HLA-DOA: variants seen among roughly 807,000 people sequenced by gnomAD.
The protein encoded by HLA-DOA is major histocompatibility complex, class II, DO alpha, also known as HLA class II histocompatibility antigen, DO alpha chain.
HLA-DOA carries 27 observed loss-of-function variants against 22.9 expected under a neutral mutation model. The observed-to-expected ratio is 1.18, with a 90% confidence interval of 0.87 to 1.62. HLA-DOA has a LOEUF of 1.62. Among genes scored for constraint, HLA-DOA ranks in the 40% most tolerant of loss-of-function variants. The probability of loss-of-function intolerance (pLI) is 0.00; values close to 1 mark genes in which losing one functional copy is unlikely to be tolerated. For missense variants in HLA-DOA, 324 were observed against 332.4 expected (o/e 0.97, Z 0.20); for synonymous variants, 137 against 138.6 (o/e 0.99, Z 0.08).
intron 1 of HLA-DOA, among the ~76,000 whole-genome samples, chr6:33,008,829 C>T (rs1436945887): frequency 6.6e-5 from 10 of 152,062 alleles, no homozygotes; most frequent in African/African-American, 1.9e-4. Flanking sequence ...TGTCCCAATT[C>T]CTCCATCTCA....
rs748401096 is a variant in HLA-DOA at position 33,008,235 on chromosome 6, C to A, written c.109G>T (p.Ala37Ser). ...GAGGCGCCGTAAGACTGGTAGAAGG[C>A]GGGTCCGTAGGAGCCCATGTGGTCA... is the stretch of plus-strand genomic sequence containing the variant. ...KADHMGSYGPAFYQSYGASGQ... is the reference protein window; with the variant it reads ...KADHMGSYGPSFYQSYGASGQ... The change falls in exon 2 of 5, where the codon GCC (alanine) becomes TCC (serine). Residue 37 changes from alanine (A) to serine (S), a missense_variant. Coordinates refer to ENST00000229829, the MANE Select transcript of HLA-DOA (RefSeq NM_002119.4). The A allele has an allele frequency of 1.2e-6, 2 of 1,612,918 alleles. No homozygotes were observed. Among genetic ancestry groups the A allele is most frequent in the Non-Finnish European group, 1.7e-6 (2 of 1,180,014 alleles).
chr6:33,008,006 C>A lies in HLA-DOA; in HGVS notation c.331+7G>T. 6.2e-7 allele frequency: 1 copy of A among 1,608,806 alleles called. No individual in the cohort carries two copies. The highest frequency in any genetic ancestry group is 8.5e-7 in the Non-Finnish European group (1 of 1,177,250). On this transcript the variant is annotated splice_region_variant and intron_variant, in intron 2 of 4. Transcript: ENST00000229829. ...CCTGACTGGGTGGGCAGAGGGAGGG[C>A]CGGTACCGTTGATGGCTCTGCTGCG...
Position 33,007,148 on chromosome 6 carries a change from G to T in HLA-DOA, c.681C>A (p.Ile227=). The change falls in exon 4 of 5, where the codon ATC becomes ATA. Residue 227 remains isoleucine, a synonymous_variant. Coordinates refer to ENST00000229829, the MANE Select transcript of HLA-DOA (RefSeq NM_002119.4). ...TGCCCACGAGGAAGCCCACCAGGCC[G>T]ATGGCCAGGCCCAGGGCACAGACCA... The part of the protein sequence containing the change: ...ETLVCALGLA[I]GLVGFLVGTV... The T allele has an allele frequency of 6.2e-7, 1 of 1,613,918 alleles. No homozygotes were observed. The highest frequency in any genetic ancestry group is 8.5e-7 in the Non-Finnish European group (1 of 1,180,020).
Position 33,005,224 on chromosome 6 carries a change from G to T in HLA-DOA, c.*1614C>A, listed in dbSNP as rs1780762222. On this transcript the variant is annotated 3_prime_UTR_variant, in exon 5 of 5. Transcript: ENST00000229829. ...AAAATGACAGCCTCGGCTGGGCACA[G>T]TGGCTAATGCCTGTAATTCCAGTAC... 6.6e-6 allele frequency: 1 copy of T among 152,346 alleles called. No homozygotes were observed. The highest frequency in any genetic ancestry group is 2.4e-5 in the African/African-American group (1 of 41,476). 9.4% of individuals were successfully genotyped at this position (152,346 alleles called of 1,614,324 possible).
chr6:33,007,844 G>A, intron 2 of HLA-DOA, 169 bp downstream of exon 2: 1 of 963,768 alleles, frequency 1.0e-6, no homozygotes, highest in Non-Finnish European at 1.5e-6. Flanking sequence ...CAAGGAGAGG[G>A]GTGCCAAAGG....
chr6:33,007,246 A>T, intron 3 of HLA-DOA, 31 bp from the exon 4 acceptor site: 1 of 1,613,476 alleles, frequency 6.2e-7, no homozygotes, highest in Non-Finnish European at 8.5e-7. Flanking sequence ...TTGGTGGTAT[A>T]TGAAAGGATT....
chr6:33,007,139 CACCAGGCCGATG>C lies in HLA-DOA; in HGVS notation c.678_689del (p.Ile227_Val230del). The C allele has an allele frequency of 5.0e-6, 8 of 1,613,938 alleles. No individual in the cohort carries two copies. The highest frequency in any genetic ancestry group is 6.8e-6 in the Non-Finnish European group (8 of 1,180,042). ...TGAGGACGGTGCCCACGAGGAAGCCCACCAGGCCGATGGCCAGGCCCAGGGCACAGACCAGGG... is the reference window on the plus strand; with the variant it reads ...TGAGGACGGTGCCCACGAGGAAGCCCGCCAGGCCCAGGGCACAGACCAGGG... On this transcript the variant is annotated inframe_deletion, in exon 4 of 5. Transcript: ENST00000229829.
At position 33,008,220 on chromosome 6, in the gene HLA-DOA, A is replaced by G; in HGVS notation, c.124T>C (p.Tyr42His). The G allele has an allele frequency of 6.2e-7, 1 of 1,613,048 alleles. No homozygotes were observed. Among genetic ancestry groups the G allele is most frequent in the East Asian group, 2.2e-5 (1 of 44,882 alleles). The change falls in exon 2 of 5, where the codon TAC becomes CAC. Residue 42 changes from tyrosine to histidine, a missense_variant. Physicochemically the swap from Tyr to His is moderately conservative, Grantham distance 83 (BLOSUM62 2). Transcript: ENST00000229829. ...GSYGPAFYQS[Y>H]GASGQFTHEF... ...TGGGTGAACTGGCCCGAGGCGCCGT[A>G]AGACTGGTAGAAGGCGGGTCCGTAG...
At chr6:33,008,626 GA>G (rs1248734633) in intron 1 of HLA-DOA, among the ~76,000 whole-genome samples, 1 of 152,174 alleles carries the variant, frequency 6.6e-6, no homozygotes, top group Non-Finnish European at 1.5e-5. Context: ...GGGGTGGGAT[GA>G]GGAGGAATGA....
At chr6:33,007,709 G>A in intron 2 of HLA-DOA, 117 bp from the exon 3 acceptor site, 1 of 1,204,370 alleles carries the variant, frequency 8.3e-7, no homozygotes, top group South Asian at 1.5e-5. Flanking sequence ...ATGCTCTGGG[G>A]TATCCACTGG....
chr6:33,007,132 G>A lies in HLA-DOA; in HGVS notation c.697C>T (p.Leu233Phe), dbSNP rs1414639898. ...LGLAIGLVGF[L>F]VGTVLIIMGT... ...ATGATGATGAGGACGGTGCCCACGA[G>A]GAAGCCCACCAGGCCGATGGCCAGG... The change falls in exon 4 of 5, where the codon CTC becomes TTC. Residue 233 changes from leucine to phenylalanine, a missense_variant. Coordinates refer to ENST00000229829, the MANE Select transcript of HLA-DOA (RefSeq NM_002119.4). 1 of 1,613,928 alleles carries A rather than the reference G, an allele frequency of 6.2e-7. No homozygotes were observed. The highest frequency in any genetic ancestry group is 1.1e-5 in the South Asian group (1 of 91,086).
In HLA-DOA at chr6:33,005,849, G is replaced by T. The variant is rs1780788274; in HGVS notation, c.*989C>A. The T allele has an allele frequency of 6.6e-6, 1 of 152,278 alleles. No homozygotes were observed. Among genetic ancestry groups the T allele is most frequent in the Admixed American group, 6.5e-5 (1 of 15,278 alleles). The allele number at this position is 152,278 out of a possible 1,614,324, so 9.4% of individuals were successfully genotyped here. ...TGTCCCCTTGGCCTCCCAAAGTGCT[G>T]GGATTACAGGAATGAGCCACTGCAC... On this transcript the variant is annotated 3_prime_UTR_variant, in exon 5 of 5. Coordinates refer to ENST00000229829, the MANE Select transcript of HLA-DOA (RefSeq NM_002119.4).
At position 33,009,549 on chromosome 6, in the gene HLA-DOA, CT is replaced by C; in HGVS notation, c.-14del. The C allele has an allele frequency of 6.3e-7, 1 of 1,584,012 alleles. No homozygotes were observed. Reference sequence around the variant, plus strand: ...CTCTGAGGGCCATTACACTCTGGTGCTTTAATCAAATCAGTCTCAGTCCGTG... The same window carrying C: ...CTCTGAGGGCCATTACACTCTGGTGCTTAATCAAATCAGTCTCAGTCCGTG... On this transcript the variant is annotated 5_prime_UTR_variant, in exon 1 of 5. Coordinates refer to ENST00000229829, the MANE Select transcript of HLA-DOA (RefSeq NM_002119.4). This position sits in a 1 kb window ranked among gnomAD's most constrained non-coding sequence, Gnocchi z 4.8.
intron 1 of HLA-DOA, among the ~76,000 whole-genome samples, chr6:33,008,708 G>A (rs985263906): frequency 2.6e-5 from 4 of 152,098 alleles, no homozygotes; most frequent in Non-Finnish European, 5.9e-5. Context: ...AACAGGCCAC[G>A]GCTGGCAGGG....
Position 33,009,367 on chromosome 6 carries a change from G to A in HLA-DOA, c.82+88C>T, listed in dbSNP as rs1156624499. 1.1e-6 allele frequency: 1 copy of A among 897,246 alleles called. No individual in the cohort carries two copies. The highest frequency in any genetic ancestry group is 1.7e-5 in the African/African-American group (1 of 58,838). The allele number at this position is 897,246 out of a possible 1,614,324, so 55.6% of individuals were successfully genotyped here. Reference sequence around the variant, plus strand: ...TTGCCCATAAACCAGAGAGCGAGAGGAACAAGCATCCTCCATGCCACCTCC... The same window carrying A: ...TTGCCCATAAACCAGAGAGCGAGAGAAACAAGCATCCTCCATGCCACCTCC... On this transcript the variant is annotated intron_variant, in intron 1 of 4. Transcript: ENST00000229829. The surrounding 1 kb of genome is among the most constrained non-coding windows in gnomAD (Gnocchi z 4.8).
chr6:33,009,029 G>T lies in HLA-DOA; in HGVS notation c.82+426C>A, dbSNP rs183277473. Among the ~76,000 whole-genome samples the T allele has an allele frequency of 6.6e-6, 1 of 152,136 alleles. No homozygotes were observed. Among genetic ancestry groups the T allele is most frequent in the African/African-American group, 2.4e-5 (1 of 41,416 alleles). On this transcript the variant is annotated intron_variant, in intron 1 of 4. Coordinates refer to ENST00000229829, the MANE Select transcript of HLA-DOA (RefSeq NM_002119.4). This position sits in a 1 kb window ranked among gnomAD's most constrained non-coding sequence, Gnocchi z 4.8. ...AAAAAGATGAACCATCTGTAGACCCGCACCCCAGCTCATGTCTCCCGAAGA... is the reference window on the plus strand; with the variant it reads ...AAAAAGATGAACCATCTGTAGACCCTCACCCCAGCTCATGTCTCCCGAAGA...
At chr6:33,008,953 G>A (rs2127551209) in intron 1 of HLA-DOA, among the ~76,000 whole-genome samples, 1 of 152,254 alleles carries the variant, frequency 6.6e-6, no homozygotes, top group African/African-American at 2.4e-5. Flanking sequence ...AACAGTTATT[G>A]AGGAACTAGC....
rs1780813464 is a variant in HLA-DOA at position 33,006,527 on chromosome 6, G to A, written c.*311C>T. ...CCCCAGCACCACATGCCTCACCCCT[G>A]GAAGAACTGGCCAAGGCCTGGAAAG... On this transcript the variant is annotated 3_prime_UTR_variant, in exon 5 of 5. Transcript: ENST00000229829. 3 of 558,232 alleles carry A rather than the reference G, an allele frequency of 5.4e-6. No homozygotes were observed. Among genetic ancestry groups the A allele is most frequent in the South Asian group, 4.3e-5 (2 of 46,302 alleles). The allele number at this position is 558,232 out of a possible 1,614,324, so 34.6% of individuals were successfully genotyped here.
intron 1 of HLA-DOA, chr6:33,008,499 T>G (rs896048493): frequency 8.7e-7 from 1 of 1,148,938 alleles, no homozygotes; most frequent in African/African-American, 1.6e-5. Context: ...CATATCAGGA[T>G]GGGAAGAGGA....
Sources: allele counts gnomAD v4.1 joint callset (sites outside exome capture counted in the v4.1 genomes callset), GRCh38; gene constraint gnomAD v4.1.1; non-coding constraint Gnocchi (gnomAD v3.1); transcripts MANE v1.5; gene names NCBI Gene and HGNC (gene_info 2026-07-23, HGNC 2026-07-21).